Variants in TUSC3 observed in about 807,000 individuals in gnomAD.
TUSC3 encodes the protein tumor suppressor candidate 3.
TUSC3 carries 45 observed loss-of-function variants against 44.8 expected under a neutral mutation model. The observed-to-expected ratio is 1.00, with a 90% CI of 0.79 to 1.29. The LOEUF is 1.29. Ranked by LOEUF, TUSC3 falls within the 50% of genes most tolerant of loss-of-function variation. The pLI, the probability that TUSC3 is intolerant of heterozygous loss-of-function variation, is 0.00. For synonymous variants in TUSC3, 212 were observed against 152.9 expected (o/e 1.39, Z -2.85); for missense variants, 519 against 437.9 (o/e 1.19, Z -1.65).
chr8:15,471,808 G>C (rs183710429), intron 1 of TUSC3, among the ~76,000 whole-genome samples: 108 of 152,138 alleles, frequency 7.1e-4, no homozygotes, highest in African/African-American at 2.5e-3. Context: ...AGTAGAGACA[G>C]GGTTTTGCCA....
intron 6 of TUSC3, among the ~76,000 whole-genome samples, chr8:15,728,677 A>G (rs960484447): frequency 1.3e-5 from 2 of 152,198 alleles, no homozygotes; most frequent in Non-Finnish European, 2.9e-5. Flanking sequence ...GACTTCCAGT[A>G]TATCAGATTA....
intron 6 of TUSC3, among the ~76,000 whole-genome samples, chr8:15,694,056 A>G (rs1416721198): frequency 2.6e-5 from 4 of 151,936 alleles, no homozygotes; most frequent in Non-Finnish European, 5.9e-5. Context: ...ATTCCTTAGA[A>G]TCCTTGCACT....
intron 6 of TUSC3, among the ~76,000 whole-genome samples, chr8:15,693,571 C>G (rs953875949): frequency 6.7e-6 from 1 of 149,192 alleles, no homozygotes; most frequent in Non-Finnish European, 1.5e-5. Flanking sequence ...TTTTCTCTAG[C>G]TGCCTTAGCT....
chr8:15,755,786 TC>T (rs1292972452), intron 9 of TUSC3, among the ~76,000 whole-genome samples: 1 of 152,104 alleles, frequency 6.6e-6, no homozygotes, highest in African/African-American at 2.4e-5. Flanking sequence ...AAATATGATT[TC>T]AGTAGTAGCA....
intron 2 of TUSC3, among the ~76,000 whole-genome samples, chr8:15,642,757 A>T (rs1308116885): frequency 6.6e-6 from 1 of 152,178 alleles, no homozygotes; most frequent in African/African-American, 2.4e-5. Flanking sequence ...ATGTTATCAT[A>T]AACAAGGTTT....
At position 15,540,325 on chromosome 8, in the gene TUSC3, A is replaced by C; in HGVS notation, c.-106A>C. ...CCTCGCAAAGCCGCTGCCATCCCGG[A>C]GGGCCCAGCCAGCGGGCTCCCGGAG... On this transcript the variant is annotated 5_prime_UTR_variant, in exon 1 of 11. Transcript: ENST00000503731. The C allele has an allele frequency of 7.4e-7, 1 of 1,354,334 alleles. No homozygotes were observed. The highest frequency in any genetic ancestry group is 9.5e-7 in the Non-Finnish European group (1 of 1,051,796). The allele number at this position is 1,354,334 out of a possible 1,614,324, so 83.9% of individuals were successfully genotyped here.
chr8:15,432,398 C>G (rs958144449), intron 1 of TUSC3, among the ~76,000 whole-genome samples: 2 of 152,056 alleles, frequency 1.3e-5, no homozygotes, highest in Non-Finnish European at 2.9e-5. Context: ...ACTTACATTT[C>G]CCATCTGTTT....
intron 1 of TUSC3, among the ~76,000 whole-genome samples, chr8:15,582,186 C>A (rs201767794): frequency 1.3e-5 from 2 of 152,162 alleles, no homozygotes; most frequent in African/African-American, 2.4e-5. Context: ...GTGCGCGCAC[C>A]CACTGGCCTG....
intron 1 of TUSC3, among the ~76,000 whole-genome samples, chr8:15,620,137 C>T (rs1805178910): frequency 6.6e-6 from 1 of 152,082 alleles, no homozygotes; most frequent in South Asian, 2.1e-4. Flanking sequence ...CATATGTGTA[C>T]ACCATAAAGA....
In TUSC3 at chr8:15,424,924, C is replaced by A. The variant is rs148037277; in HGVS notation, n.91+7619C>A. On this transcript the variant is annotated intron_variant and non_coding_transcript_variant, in intron 1 of 5. Transcript: ENST00000503191. Reference sequence around the variant, plus strand: ...CGTTAGTGCCCTCCACAATTGCTAGCATTAGGGAATGGGCAGACATGTACA... The same window carrying A: ...CGTTAGTGCCCTCCACAATTGCTAGAATTAGGGAATGGGCAGACATGTACA... Among the ~76,000 whole-genome samples, 953 of 151,638 alleles carry A rather than the reference C, an allele frequency of 6.3e-3. 2 individuals carry two copies. The highest frequency in any genetic ancestry group is 0.014 in the Middle Eastern group (4 of 288).
In TUSC3 at chr8:15,718,751, G is replaced by T. The variant is rs138800988; in HGVS notation, c.799-11915G>T. ...TTTATTTGAAGTTCATATATCCTCAGTTGAACTTAAATGGTCTATATTTGT... is the reference window on the plus strand; with the variant it reads ...TTTATTTGAAGTTCATATATCCTCATTTGAACTTAAATGGTCTATATTTGT... On this transcript the variant is annotated intron_variant, in intron 6 of 10. Transcript: ENST00000503731. Among the ~76,000 whole-genome samples the T allele has an allele frequency of 3.2e-3, 479 of 152,002 alleles. 2 individuals carry two copies. The highest frequency in any genetic ancestry group is 0.011 in the African/African-American group (436 of 41,458).
rs376867149 is a variant in TUSC3 at position 15,429,328 on chromosome 8, T to A, written n.91+12023T>A. ...GGCTCTGTTCTGTTCCATTGATCTA[T>A]ATCTCTGTTTTGGTACCAGTACCAT... On this transcript the variant is annotated intron_variant and non_coding_transcript_variant, in intron 1 of 5. Coordinates refer to the TUSC3 transcript ENST00000503191. Among the ~76,000 whole-genome samples, 185 of 151,878 alleles carry A rather than the reference T, an allele frequency of 1.2e-3. 1 individual carries two copies. In the East Asian group the frequency reaches 0.034, roughly 28 times the overall value.
At chr8:15,534,284 A>G (rs1338670958) in intron 2 of TUSC3, among the ~76,000 whole-genome samples, 1 of 152,198 alleles carries the variant, frequency 6.6e-6, no homozygotes, top group East Asian at 1.9e-4. Context: ...TAGAAATAAT[A>G]TCAGCACAAT....
intron 2 of TUSC3, among the ~76,000 whole-genome samples, chr8:15,512,924 ATATAAT>A (rs1563270867): frequency 8.9e-5 from 4 of 44,994 alleles, no homozygotes; most frequent in African/African-American, 2.4e-4. Flanking sequence ...GTATCTATAT[ATATAAT>A]CATATATATA....
At chr8:15,418,799 A>C (rs960066082) in intron 1 of TUSC3, among the ~76,000 whole-genome samples, 1 of 152,220 alleles carries the variant, frequency 6.6e-6, no homozygotes, top group Non-Finnish European at 1.5e-5. Flanking sequence ...TGAAGTCAGC[A>C]GTTCAAGACC....
chr8:15,715,357 C>G (rs1288161705), intron 6 of TUSC3, among the ~76,000 whole-genome samples: 1 of 152,070 alleles, frequency 6.6e-6, no homozygotes, highest in Non-Finnish European at 1.5e-5. Context: ...TGGTCTGTCT[C>G]TCCTTTAAAA....
chr8:15,673,306 C>T (rs1296093581), intron 5 of TUSC3, among the ~76,000 whole-genome samples: 2 of 152,020 alleles, frequency 1.3e-5, no homozygotes, highest in South Asian at 2.1e-4. Context: ...ATTTAAGTAC[C>T]GTAATCCAAG....
intron 1 of TUSC3, among the ~76,000 whole-genome samples, chr8:15,570,258 T>C (rs989381989): frequency 8.5e-6 from 1 of 117,724 alleles, no homozygotes; most frequent in African/African-American, 3.0e-5. Flanking sequence ...TGTTTTATAA[T>C]GTATTTTACA....
chr8:15,462,029 A>C (rs1326490145), intron 1 of TUSC3, among the ~76,000 whole-genome samples: 1 of 152,072 alleles, frequency 6.6e-6, no homozygotes, highest in Non-Finnish European at 1.5e-5. Flanking sequence ...CTTTTGAGCA[A>C]GTCATAAGAC....
Sources: gnomAD v4.1 joint callset for allele counts (sites outside exome capture counted in the v4.1 genomes callset) on GRCh38, gnomAD v4.1.1 for gene constraint, MANE v1.5 for transcripts, NCBI Gene and HGNC (gene_info 2026-07-23, HGNC 2026-07-21) for gene names.